IRS2: variants seen among roughly 807,000 people sequenced by gnomAD.
IRS2 encodes insulin receptor substrate 2.
IRS2 carries 28 observed loss-of-function variants against 70.9 expected under a neutral mutation model. The observed-to-expected ratio is 0.39, with a 90% CI of 0.29 to 0.54. The LOEUF is 0.54. Ranked by LOEUF, IRS2 falls within the 20% of genes least tolerant of loss-of-function variation. The pLI, the probability that IRS2 is intolerant of heterozygous loss-of-function variation, is 0.59. For missense variants in IRS2, 2,081 were observed against 2,024.1 expected (o/e 1.03, Z -0.54); for synonymous variants, 1,217 against 981.9 (o/e 1.24, Z -4.48).
chr13:109,782,565 C>T lies in IRS2; in HGVS notation c.3489G>A (p.Pro1163=), dbSNP rs1456144790. ...GGCGCTTGGGGTTGTGGGCGAAGGA[C>T]GGGGACACGGGGGTGACCGTCGTGG... ...SSTTTVTPVS[P]SFAHNPKRHN... Residue 1163 remains proline, a synonymous_variant, in exon 1 of 2, where the codon CCG becomes CCA. Coordinates refer to ENST00000375856, the MANE Select transcript of IRS2 (RefSeq NM_003749.3). 2 of 1,567,494 alleles carry T rather than the reference C, an allele frequency of 1.3e-6. No individual in the cohort carries two copies. The highest frequency in any genetic ancestry group is 2.3e-5 in the East Asian group (1 of 42,896).
Position 109,782,502 on chromosome 13 carries a change from T to C in IRS2, c.3552A>G (p.Lys1184=). ...CGACACCCACGCCGCCCTCGCTGCTTTTCCTGAGAGAGACATTTTCCACGG... is the reference window on the plus strand; with the variant it reads ...CGACACCCACGCCGCCCTCGCTGCTCTTCCTGAGAGAGACATTTTCCACGG... ...SASVENVSLR[K]SSEGGVGVGP... is the part of the protein sequence containing the mutation. The change falls in exon 1 of 2, where the codon AAA becomes AAG. Residue 1184 remains lysine, a synonymous_variant. Coordinates refer to ENST00000375856, the MANE Select transcript of IRS2 (RefSeq NM_003749.3). The C allele has an allele frequency of 6.4e-7, 1 of 1,553,984 alleles. No homozygotes were observed. The highest frequency in any genetic ancestry group is 8.7e-7 in the Non-Finnish European group (1 of 1,149,554).
intron 1 of IRS2, among the ~76,000 whole-genome samples, chr13:109,772,181 G>A (rs1395350091): frequency 2.6e-5 from 4 of 152,200 alleles, no homozygotes; most frequent in Admixed American, 6.5e-5. Flanking sequence ...CCGCAGACCC[G>A]GGAATTCACG....
Position 109,783,896 on chromosome 13 carries a change from A to G in IRS2, c.2158T>C (p.Phe720Leu). The change falls in exon 1 of 2, where the codon TTC becomes CTC. Residue 720 changes from phenylalanine to leucine, a missense_variant. Coordinates refer to ENST00000375856, the MANE Select transcript of IRS2 (RefSeq NM_003749.3). ...PAPTSAAGRT[F>L]PASGGGYKAS... is the part of the protein sequence containing the mutation. The stretch of plus-strand genomic sequence containing the variant: ...TTGTAGCCGCCCCCGCTCGCCGGGA[A>G]TGTCCTGCCCGCCGCAGAGGTGGGT... 1 of 1,546,926 alleles carries G rather than the reference A, an allele frequency of 6.5e-7. No individual in the cohort carries two copies. Among genetic ancestry groups the G allele is most frequent in the Non-Finnish European group, 8.7e-7 (1 of 1,146,638 alleles).
At position 109,755,292 on chromosome 13, in the gene IRS2, A is replaced by G. The variant is rs899799734; in HGVS notation, c.*1012T>C. On this transcript the variant is annotated 3_prime_UTR_variant, in exon 2 of 2. Transcript: ENST00000375856. ...ATAATAACATTTTATTAAAGATAAT[A>G]CGTTTTTTAAAAATCAAATCTGCCA... 4.5e-6 allele frequency: 1 copy of G among 224,428 alleles called. No homozygotes were observed. The highest frequency in any genetic ancestry group is 2.3e-5 in the African/African-American group (1 of 43,704). The allele number at this position is 224,428 out of a possible 1,614,324, so 13.9% of individuals were successfully genotyped here.
At chr13:109,757,471 C>T (rs1360993158) in intron 1 of IRS2, among the ~76,000 whole-genome samples, 1 of 152,130 alleles carries the variant, frequency 6.6e-6, no homozygotes, top group Non-Finnish European at 1.5e-5. Flanking sequence ...GAGGACTGAA[C>T]TCAACAAGAC....
chr13:109,777,256 G>GA (rs35114127), intron 1 of IRS2, among the ~76,000 whole-genome samples: 3 of 152,040 alleles, frequency 2.0e-5, no homozygotes, highest in South Asian at 4.2e-4. Context: ...ACTCCCCCTA[G>GA]AAAAAAACCA....
At chr13:109,756,369 T>A in intron 1 of IRS2, 61 bp from the exon 2 acceptor site, 2 of 1,506,954 alleles carry the variant, frequency 1.3e-6, no homozygotes, top group Non-Finnish European at 9.2e-7. Context: ...ATCTCTGGAG[T>A]TCCAGAAAGG....
At chr13:109,759,077 G>A (rs1877171679) in intron 1 of IRS2, among the ~76,000 whole-genome samples, 1 of 152,208 alleles carries the variant, frequency 6.6e-6, no homozygotes, top group Non-Finnish European at 1.5e-5. Flanking sequence ...CCAGGCATGG[G>A]GGTGTCAGCT....
At position 109,784,124 on chromosome 13, in the gene IRS2, T is replaced by G; in HGVS notation, c.1930A>C (p.Ser644Arg). 6.3e-7 allele frequency: 1 copy of G among 1,594,782 alleles called. No individual in the cohort carries two copies. Among genetic ancestry groups the G allele is most frequent in the South Asian group, 1.1e-5 (1 of 90,142 alleles). ...DIEIGSHRSS[S>R]SNLGADDGYM... Reference sequence around the variant, plus strand: ...CCGTCGTCTGCCCCCAGGTTGCTGCTGGAGCTCCTGTGGGAGCCGATCTCG... The same window carrying G: ...CCGTCGTCTGCCCCCAGGTTGCTGCGGGAGCTCCTGTGGGAGCCGATCTCG... The change falls in exon 1 of 2, where the codon AGC becomes CGC. Residue 644 changes from serine to arginine, a missense_variant. Physicochemically the swap from Ser to Arg is moderately radical, Grantham distance 110. Around this residue, in one of 4 missense-constraint regions of IRS2, gnomAD observed 1,615 missense variants for 1,459.5 expected, o/e 1.11. Transcript: ENST00000375856. This position sits in a 1 kb window ranked among gnomAD's most constrained non-coding sequence, Gnocchi z 5.2.
chr13:109,777,246 A>G (rs796624952), intron 1 of IRS2, among the ~76,000 whole-genome samples: 1 of 151,812 alleles, frequency 6.6e-6, no homozygotes, highest in South Asian at 2.1e-4. Flanking sequence ...ATTCTGTGCT[A>G]CTCCCCCTAG....
At position 109,755,907 on chromosome 13, in the gene IRS2, G is replaced by C; in HGVS notation, c.*397C>G. 1 of 283,814 alleles carries C rather than the reference G, an allele frequency of 3.5e-6. No homozygotes were observed. The highest frequency in any genetic ancestry group is 6.8e-6 in the Non-Finnish European group (1 of 147,474). The allele number at this position is 283,814 out of a possible 1,614,324, so 17.6% of individuals were successfully genotyped here. On this transcript the variant is annotated 3_prime_UTR_variant, in exon 2 of 2. Coordinates refer to ENST00000375856, the MANE Select transcript of IRS2 (RefSeq NM_003749.3). ...AATACCAGATTTTACCACTTCCATA[G>C]GTACGGGTGCACTCTCCTAGCATGC...
At position 109,754,809 on chromosome 13, in the gene IRS2, G is replaced by C. The variant is rs1220384285; in HGVS notation, c.*1495C>G. 1 of 191,826 alleles carries C rather than the reference G, an allele frequency of 5.2e-6. No individual in the cohort carries two copies. The highest frequency in any genetic ancestry group is 1.1e-5 in the Non-Finnish European group (1 of 91,854). The allele number at this position is 191,826 out of a possible 1,614,324, so 11.9% of individuals were successfully genotyped here. A position where few individuals can be genotyped will look rare whatever the true frequency, so the allele number is the denominator to read the frequency against. Reference sequence around the variant, plus strand: ...TTTTATTAATGCATTATTCTATAGCGATAGATATCTATTATATATTTATAT... The same window carrying C: ...TTTTATTAATGCATTATTCTATAGCCATAGATATCTATTATATATTTATAT... On this transcript the variant is annotated 3_prime_UTR_variant, in exon 2 of 2. Transcript: ENST00000375856.
intron 1 of IRS2, among the ~76,000 whole-genome samples, chr13:109,781,277 C>T (rs1302276010): frequency 1.3e-5 from 2 of 152,164 alleles, no homozygotes; most frequent in Non-Finnish European, 2.9e-5. Context: ...ACTAGAAATG[C>T]ACAGCCTGGG....
Position 109,785,846 on chromosome 13 carries a change from G to C in IRS2, c.208C>G (p.Pro70Ala). 6.5e-7 allele frequency: 1 copy of C among 1,527,988 alleles called. No individual in the cohort carries two copies. Among genetic ancestry groups the C allele is most frequent in the Non-Finnish European group, 8.7e-7 (1 of 1,143,164 alleles). 94.7% of individuals were successfully genotyped at this position (1,527,988 alleles called of 1,614,324 possible). A position where few individuals can be genotyped will look rare whatever the true frequency, so the allele number is the denominator to read the frequency against. Residue 70 changes from proline (P) to alanine (A), a missense_variant, in exon 1 of 2, where the codon CCG (proline) becomes GCG (alanine). Physicochemically the swap from Pro to Ala is conservative, Grantham distance 27. This residue lies in a region of IRS2 where 320 missense variants were observed against 352.9 expected (regional missense o/e 0.91). Coordinates refer to ENST00000375856, the MANE Select transcript of IRS2 (RefSeq NM_003749.3). This position sits in a 1 kb window ranked among gnomAD's most constrained non-coding sequence, Gnocchi z 9.3. ...ATAGGGSAPQ[P>A]PRLEYYESEK... ...CTCTCGTAGTACTCGAGCCGCGGCGGTTGCGGCGCCGACCCCCCGCCCGCC... is the reference window on the plus strand; with the variant it reads ...CTCTCGTAGTACTCGAGCCGCGGCGCTTGCGGCGCCGACCCCCCGCCCGCC...
At chr13:109,772,393 G>T (rs1052196330) in intron 1 of IRS2, among the ~76,000 whole-genome samples, 3 of 152,200 alleles carry the variant, frequency 2.0e-5, no homozygotes, top group Non-Finnish European at 4.4e-5. Flanking sequence ...TGACTAAATT[G>T]GTGGGTGCTC....
intron 1 of IRS2, among the ~76,000 whole-genome samples, chr13:109,764,721 T>C (rs866513063): frequency 1.4e-4 from 21 of 152,234 alleles, no homozygotes; most frequent in African/African-American, 4.1e-4. Flanking sequence ...TGTCTCTTAG[T>C]GCATTTGTCA....
Position 109,785,352 on chromosome 13 carries a change from C to G in IRS2, c.702G>C (p.Glu234Asp). The G allele has an allele frequency of 1.9e-6, 3 of 1,612,018 alleles. No individual in the cohort carries two copies. The highest frequency in any genetic ancestry group is 2.5e-6 in the Non-Finnish European group (3 of 1,179,746). ...TGAGCTGCAGCGTCACCGACGGCTGCTCGCAGTTGAGCTTCACGAAGCCGA... is the reference window on the plus strand; with the variant it reads ...TGAGCTGCAGCGTCACCGACGGCTGGTCGCAGTTGAGCTTCACGAAGCCGA... ...RTIGFVKLNCEQPSVTLQLMN... is the reference protein window; with the variant it reads ...RTIGFVKLNCDQPSVTLQLMN... Residue 234 changes from glutamate to aspartate, a missense_variant, in exon 1 of 2, where the codon GAG (glutamate) becomes GAC (aspartate). Glu to Asp is a conservative substitution (Grantham distance 45). Transcript: ENST00000375856. This position sits in a 1 kb window ranked among gnomAD's most constrained non-coding sequence, Gnocchi z 9.3.
At position 109,784,071 on chromosome 13, in the gene IRS2, G is replaced by T. The variant is rs148008220; in HGVS notation, c.1983C>A (p.Ala661=). ...AGCTGCCGCTCCCACTGCCCGCGAG[G>T]GCCGCGCCGGGCGTCATGGGCATGT... ...DGYMPMTPGA[A]LAGSGSGSCR... Residue 661 remains alanine (A), a synonymous_variant, in exon 1 of 2, where the codon GCC becomes GCA. Transcript: ENST00000375856. The surrounding 1 kb of genome is among the most constrained non-coding windows in gnomAD (Gnocchi z 5.2). 1 of 1,571,474 alleles carries T rather than the reference G, an allele frequency of 6.4e-7. No individual in the cohort carries two copies. The highest frequency in any genetic ancestry group is 1.3e-5 in the African/African-American group (1 of 74,552).
chr13:109,762,157 G>C (rs1877241043), intron 1 of IRS2, among the ~76,000 whole-genome samples: 1 of 152,114 alleles, frequency 6.6e-6, no homozygotes, highest in Admixed American at 6.5e-5. Context: ...GTTCTTTTCT[G>C]AGTGTTATTG....
Sources: gnomAD v4.1 joint callset for allele counts (sites outside exome capture counted in the v4.1 genomes callset) on GRCh38, gnomAD v4.1.1 for gene constraint, gnomAD v4.1.1 regional missense constraint, Gnocchi (gnomAD v3.1) non-coding constraint, MANE v1.5 for transcripts, NCBI Gene and HGNC (gene_info 2026-07-23, HGNC 2026-07-21) for gene names.